Variants in VAMP4 observed in about 807,000 individuals in gnomAD.
The protein encoded by VAMP4 is vesicle associated membrane protein 4.
Under a neutral mutation model 23.5 loss-of-function variants are expected in VAMP4, and 19 were observed. The observed-to-expected ratio is 0.81, with a 90% CI of 0.56 to 1.19. The LOEUF (loss-of-function observed/expected upper bound fraction) is 1.19. VAMP4 is among the 50% of genes most tolerant of loss of function. VAMP4 has a pLI of 0.00. For synonymous variants in VAMP4, 31 were observed against 51.0 expected, an observed-to-expected ratio of 0.61 and a Z score of 1.67; for missense variants, 145 against 168.6, an observed-to-expected ratio of 0.86 and a Z score of 0.78.
In VAMP4 at chr1:171,738,398, T is replaced by G. The variant is rs1183080083; in HGVS notation, c.17A>C (p.Lys6Thr). 6.2e-7 allele frequency: 1 copy of G among 1,614,208 alleles called. No homozygotes were observed. Among genetic ancestry groups the G allele is most frequent in the South Asian group, 1.1e-5 (1 of 91,084 alleles). The change falls in exon 2 of 8, where the codon AAG becomes ACG. Residue 6 changes from lysine (K) to threonine (T), a missense_variant. By Grantham distance (78) the Lys-to-Thr change is moderately conservative. Coordinates refer to ENST00000236192, the MANE Select transcript of VAMP4 (RefSeq NM_003762.5). The part of the protein sequence containing the change: MPPKF[K>T]RHLNDDDVTG... ...GACATCATCATCATTGAGGTGGCGC[T>G]TAAACTTGGGAGGCATATTTTTTAC...
At chr1:171,716,386 C>A (rs1473200243) in intron 4 of VAMP4, among the ~76,000 whole-genome samples, 1 of 152,154 alleles carries the variant, frequency 6.6e-6, no homozygotes. Flanking sequence ...TGACTCCATT[C>A]CTTTGGAGCT....
At chr1:171,717,402 G>A (rs1655054811) in intron 4 of VAMP4, among the ~76,000 whole-genome samples, 1 of 152,094 alleles carries the variant, frequency 6.6e-6, no homozygotes, top group Non-Finnish European at 1.5e-5. Flanking sequence ...GATCTCCCTG[G>A]AACATGAGAG....
chr1:171,725,697 T>G (rs1263220995), intron 3 of VAMP4, among the ~76,000 whole-genome samples: 1 of 147,436 alleles, frequency 6.8e-6, no homozygotes, highest in African/African-American at 2.5e-5. Flanking sequence ...TTCCATTAAT[T>G]TTTTTTTTTT....
At chr1:171,717,066 T>G (rs1655043531) in intron 4 of VAMP4, among the ~76,000 whole-genome samples, 1 of 152,208 alleles carries the variant, frequency 6.6e-6, no homozygotes, top group African/African-American at 2.4e-5. Context: ...TATTCTTTAA[T>G]GCCTACTCTG....
At chr1:171,710,583 C>A in intron 5 of VAMP4, 131 bp downstream of exon 5, 3 of 595,020 alleles carry the variant, frequency 5.0e-6, no homozygotes, top group South Asian at 2.3e-5. Context: ...AAAATTAAAC[C>A]ATTAAAATCA....
At position 171,737,975 on chromosome 1, in the gene VAMP4, T is replaced by C. The variant is rs551680086; in HGVS notation, c.66+374A>G. ...CTTTTGATTTTTCTGTTGTTATTAT[T>C]ATTAGTTAATTAATTTTTGAGACAG... On this transcript the variant is annotated intron_variant, in intron 2 of 7. Transcript: ENST00000236192. Among the ~76,000 whole-genome samples the C allele has an allele frequency of 4.5e-4, 68 of 152,344 alleles. 1 individual carries two copies. Among genetic ancestry groups the C allele is most frequent in the South Asian group, 1.0e-3 (5 of 4,830 alleles).
chr1:171,740,228 G>A (rs1485512780), intron 1 of VAMP4, among the ~76,000 whole-genome samples: 1 of 152,166 alleles, frequency 6.6e-6, no homozygotes. Flanking sequence ...TGTTCAATTA[G>A]TTGCCCATCA....
Position 171,702,538 on chromosome 1 carries a change from T to A in VAMP4, c.*1968A>T, listed in dbSNP as rs1220919712. The A allele has an allele frequency of 6.6e-6, 1 of 152,048 alleles. No individual in the cohort carries two copies. Among genetic ancestry groups the A allele is most frequent in the Non-Finnish European group, 1.5e-5 (1 of 67,904 alleles). The allele number at this position is 152,048 out of a possible 1,614,324, so 9.4% of individuals were successfully genotyped here. A position where few individuals can be genotyped will look rare whatever the true frequency, so the allele number is the denominator to read the frequency against. ...AGTAATCTTCATCTTCACTTGTAGA[T>A]ATTATGGAGAAACCAGATTTCTACA... On this transcript the variant is annotated 3_prime_UTR_variant, in exon 8 of 8. Coordinates refer to ENST00000236192, the MANE Select transcript of VAMP4 (RefSeq NM_003762.5).
At chr1:171,729,185 T>C (rs980400326) in intron 2 of VAMP4, among the ~76,000 whole-genome samples, 3 of 152,162 alleles carry the variant, frequency 2.0e-5, no homozygotes, top group African/African-American at 7.2e-5. Context: ...AAAAGGTGAC[T>C]AAAGAAGAGC....
At chr1:171,735,294 G>A (rs930793476) in intron 2 of VAMP4, among the ~76,000 whole-genome samples, 17 of 152,118 alleles carry the variant, frequency 1.1e-4, no homozygotes, top group African/African-American at 3.9e-4. Flanking sequence ...TAAAATTAAT[G>A]GGATTTGCAT....
At chr1:171,706,890 A>G (rs1654675007) in intron 6 of VAMP4, among the ~76,000 whole-genome samples, 1 of 152,174 alleles carries the variant, frequency 6.6e-6, no homozygotes, top group African/African-American at 2.4e-5. Flanking sequence ...ATTAATCTGA[A>G]GCATTTCTAA....
At position 171,726,064 on chromosome 1, in the gene VAMP4, T is replaced by TG. The variant is rs201172561; in HGVS notation, c.113+2459_113+2460insC. Among the ~76,000 whole-genome samples, 834 of 151,678 alleles carry TG rather than the reference T, an allele frequency of 5.5e-3. 5 individuals are homozygous for TG. The highest frequency in any genetic ancestry group is 8.1e-3 in the African/African-American group (333 of 41,280). The stretch of plus-strand genomic sequence containing the variant: ...TCAACAAAAAAAGTCACATTTTTTT[T>TG]TGGGGGGGGCGAAGTATCACTCTGT... On this transcript the variant is annotated intron_variant, in intron 3 of 7. Coordinates refer to ENST00000236192, the MANE Select transcript of VAMP4 (RefSeq NM_003762.5).
At chr1:171,726,665 A>C (rs1655380247) in intron 3 of VAMP4, among the ~76,000 whole-genome samples, 1 of 152,200 alleles carries the variant, frequency 6.6e-6, no homozygotes, top group African/African-American at 2.4e-5. Context: ...TAACTTAAAA[A>C]GGGATTGTAG....
At chr1:171,715,094 G>A (rs1035703386) in intron 4 of VAMP4, among the ~76,000 whole-genome samples, 1 of 152,148 alleles carries the variant, frequency 6.6e-6, no homozygotes, top group East Asian at 1.9e-4. Context: ...TTAAGAACTA[G>A]GAGATTAACT....
chr1:171,727,925 G>C (rs1357423668), intron 3 of VAMP4, among the ~76,000 whole-genome samples: 2 of 152,304 alleles, frequency 1.3e-5, no homozygotes, highest in African/African-American at 4.8e-5. Context: ...GGGACTGGGA[G>C]AGCAATGGAT....
At position 171,701,179 on chromosome 1, in the gene VAMP4, C is replaced by T. The variant is rs1457296356; in HGVS notation, c.*3327G>A. 3 of 152,120 alleles carry T rather than the reference C, an allele frequency of 2.0e-5. No homozygotes were observed. The highest frequency in any genetic ancestry group is 1.5e-5 in the Non-Finnish European group (1 of 68,018). The allele number at this position is 152,120 out of a possible 1,614,324, so 9.4% of individuals were successfully genotyped here. On this transcript the variant is annotated 3_prime_UTR_variant, in exon 8 of 8. Transcript: ENST00000236192. ...ACATTCTAAAACAAACTTGTAAATGCTTTCAAACTGACTTATGCTCTTACT... is the reference window on the plus strand; with the variant it reads ...ACATTCTAAAACAAACTTGTAAATGTTTTCAAACTGACTTATGCTCTTACT...
chr1:171,708,082 C>A (rs1490909183), intron 6 of VAMP4, among the ~76,000 whole-genome samples: 2 of 151,738 alleles, frequency 1.3e-5, no homozygotes, highest in Non-Finnish European at 1.5e-5. Flanking sequence ...GCAGATTGCT[C>A]GAGGCCAGAA....
At chr1:171,719,463 C>T (rs1185603214) in intron 3 of VAMP4, among the ~76,000 whole-genome samples, 1 of 152,052 alleles carries the variant, frequency 6.6e-6, no homozygotes, top group African/African-American at 2.4e-5. Context: ...CATGTTAAAA[C>T]TTTCAGAGAA....
chr1:171,708,516 T>C (rs2124838743), intron 6 of VAMP4, among the ~76,000 whole-genome samples: 1 of 151,742 alleles, frequency 6.6e-6, no homozygotes, highest in South Asian at 2.1e-4. Context: ...AATAAATAAA[T>C]CCAAGGTAAC....
Sources: gnomAD v4.1 joint callset for allele counts (sites outside exome capture counted in the v4.1 genomes callset) on GRCh38, gnomAD v4.1.1 for gene constraint, MANE v1.5 for transcripts, NCBI Gene and HGNC (gene_info 2026-07-23, HGNC 2026-07-21) for gene names.